Variants in HERC4 observed in about 807,000 individuals in gnomAD.
HERC4 encodes probable E3 ubiquitin-protein ligase HERC4.
A neutral mutation model predicts 124.3 loss-of-function variants in HERC4; 28 were observed. That is an observed-to-expected ratio of 0.23 (90% CI 0.17 to 0.31). The LOEUF is 0.31. Among genes scored for constraint, HERC4 ranks in the 10% least tolerant of loss-of-function variants. HERC4 has a pLI of 1.00. For missense variants in HERC4, 713 were observed against 1,229.3 expected, an observed-to-expected ratio of 0.58 and a Z score of 6.28; for synonymous variants, 407 against 421.5, an observed-to-expected ratio of 0.97 and a Z score of 0.42.
At chr10:67,965,334 G>A (rs981919562) in intron 16 of HERC4, 3 of 152,064 alleles carry the variant, frequency 2.0e-5, no homozygotes, top group Admixed American at 6.6e-5. Context: ...AGTAGATTAC[G>A]AATTCCATGA....
chr10:68,038,018 G>A, intron 5 of HERC4, 75 bp downstream of exon 5: 4 of 790,728 alleles, frequency 5.1e-6, no homozygotes, highest in Non-Finnish European at 8.3e-6. Flanking sequence ...GAGCAAAGCT[G>A]GAGAACTATA....
chr10:68,062,812 C>G (rs949055559), intron 3 of HERC4, among the ~76,000 whole-genome samples: 1 of 152,010 alleles, frequency 6.6e-6, no homozygotes, highest in African/African-American at 2.4e-5. Context: ...CTAACTATTT[C>G]TTTACCTCCA....
chr10:67,927,643 T>TC (rs1376989599), intron 23 of HERC4, among the ~76,000 whole-genome samples: 1 of 151,776 alleles, frequency 6.6e-6, no homozygotes, highest in East Asian at 1.9e-4. Flanking sequence ...GCCAGGATGG[T>TC]CTTGATCTTC....
intron 16 of HERC4, among the ~76,000 whole-genome samples, chr10:67,960,361 C>G (rs1320948473): frequency 6.6e-6 from 1 of 152,016 alleles, no homozygotes; most frequent in Admixed American, 6.6e-5. Context: ...TCAGATGGAA[C>G]TTTCTATTTG....
chr10:68,065,497 G>A (rs931753151), intron 3 of HERC4, among the ~76,000 whole-genome samples: 5 of 152,080 alleles, frequency 3.3e-5, no homozygotes, highest in Admixed American at 1.3e-4. Context: ...ACACAAAAGA[G>A]TAAATCTAGG....
At chr10:68,021,808 C>CAAAT (rs548442420) in intron 8 of HERC4, among the ~76,000 whole-genome samples, 15 of 150,814 alleles carry the variant, frequency 9.9e-5, no homozygotes, top group Admixed American at 4.6e-4. Flanking sequence ...AACTCCACCT[C>CAAAT]AAATAAATAA....
chr10:68,073,912 AC>A (rs1589494421), intron 1 of HERC4: 1 of 151,828 alleles, frequency 6.6e-6, no homozygotes, highest in African/African-American at 2.4e-5. Flanking sequence ...AGAAAAAAAA[AC>A]ATGCAATTTA....
intron 9 of HERC4, among the ~76,000 whole-genome samples, chr10:67,998,525 C>CA (rs1294606674): frequency 8.0e-6 from 1 of 125,234 alleles, no homozygotes; most frequent in Non-Finnish European, 1.6e-5. Flanking sequence ...ACAGCCTGTG[C>CA]AAAAGAGTGA....
At chr10:67,961,850 T>C (rs1564965281) in intron 16 of HERC4, among the ~76,000 whole-genome samples, 1 of 152,136 alleles carries the variant, frequency 6.6e-6, no homozygotes, top group Admixed American at 6.6e-5. Flanking sequence ...AAGAATATTA[T>C]TGACAAGAAT....
chr10:68,059,014 T>C (rs923529805), intron 3 of HERC4, among the ~76,000 whole-genome samples: 5 of 152,122 alleles, frequency 3.3e-5, no homozygotes, highest in African/African-American at 1.2e-4. Context: ...TTTTTGTGTA[T>C]CTATAAAGCA....
At chr10:67,997,466 G>A (rs746242089) in intron 9 of HERC4, among the ~76,000 whole-genome samples, 49 of 152,084 alleles carry the variant, frequency 3.2e-4, no homozygotes, top group Non-Finnish European at 7.4e-5. Flanking sequence ...AGGTAACTAA[G>A]TATTATTTCT....
Position 67,991,430 on chromosome 10 carries a change from C to T in HERC4, c.1272-231G>A, listed in dbSNP as rs929427729. 2.6e-5 allele frequency among the ~76,000 whole-genome samples: 4 copies of T among 152,146 alleles called. No homozygotes were observed. The East Asian group carries it at 7.7e-4, about 29-fold the overall frequency. On this transcript the variant is annotated intron_variant, in intron 11 of 24. Coordinates refer to ENST00000373700, the MANE Select transcript of HERC4 (RefSeq NM_015601.4). ...GACTTTCTTAAATATTACTTTCATCCATTTATCCAATGTTATCTGCTTTAA... is the reference window on the plus strand; with the variant it reads ...GACTTTCTTAAATATTACTTTCATCTATTTATCCAATGTTATCTGCTTTAA...
At chr10:67,941,129 C>T (rs987259616) in intron 19 of HERC4, 24 bp from the exon 20 acceptor site, 1 of 1,442,310 alleles carries the variant, frequency 6.9e-7, no homozygotes, top group Non-Finnish European at 9.3e-7. Flanking sequence ...AAAAAGTAAA[C>T]ACATGTCCTC....
At chr10:68,072,803 C>A (rs2041636157) in intron 3 of HERC4, 80 bp downstream of exon 3, 5 of 978,502 alleles carry the variant, frequency 5.1e-6, no homozygotes, top group Non-Finnish European at 7.4e-6. Context: ...ATAGTTACAA[C>A]TAGAGAAATT....
At chr10:68,057,260 G>GA (rs2040594829) in intron 3 of HERC4, among the ~76,000 whole-genome samples, 1 of 152,106 alleles carries the variant, frequency 6.6e-6, no homozygotes, top group African/African-American at 2.4e-5. Flanking sequence ...TGCAAAATAA[G>GA]AGTACAGAAG....
intron 9 of HERC4, among the ~76,000 whole-genome samples, chr10:68,003,388 T>C (rs2037355105): frequency 6.7e-6 from 1 of 149,814 alleles, no homozygotes; most frequent in Non-Finnish European, 1.5e-5. Context: ...TTAGCCAGGA[T>C]GGTCTTGATC....
At chr10:68,037,296 A>G (rs1279283191) in intron 5 of HERC4, among the ~76,000 whole-genome samples, 1 of 152,008 alleles carries the variant, frequency 6.6e-6, no homozygotes, top group Non-Finnish European at 1.5e-5. Flanking sequence ...GGGTTTTACC[A>G]TGTTGGCCAG....
At chr10:68,064,988 CA>C (rs1177414927) in intron 3 of HERC4, among the ~76,000 whole-genome samples, 1 of 150,758 alleles carries the variant, frequency 6.6e-6, no homozygotes, top group Non-Finnish European at 1.5e-5. Flanking sequence ...AAAAAAAATC[CA>C]AAAAATAGAA....
chr10:67,929,233 T>C (rs1157082174), intron 23 of HERC4, among the ~76,000 whole-genome samples: 1 of 152,220 alleles, frequency 6.6e-6, no homozygotes, highest in Admixed American at 6.5e-5. Flanking sequence ...GGCTATATTC[T>C]GGGGTGTATA....
Sources: gnomAD v4.1 joint callset for allele counts (sites outside exome capture counted in the v4.1 genomes callset) on GRCh38, gnomAD v4.1.1 for gene constraint, MANE v1.5 for transcripts, NCBI Gene and HGNC (gene_info 2026-07-23, HGNC 2026-07-21) for gene names.